Variants in SVOP observed in about 807,000 individuals in gnomAD.
SVOP encodes SV2 related protein, also known as synaptic vesicle 2-related protein.
In SVOP, 17 loss-of-function variants were observed where a neutral mutation model predicts 69.1. The ratio of observed to expected loss-of-function variants is 0.25; its 90% CI spans 0.17 to 0.37. The LOEUF (loss-of-function observed/expected upper bound fraction) is 0.37. Among genes scored for constraint, SVOP ranks in the 10% least tolerant of loss-of-function variants. The pLI is 1.00. For missense variants in SVOP, 435 were observed against 597.5 expected (o/e 0.73, Z 2.84); for synonymous variants, 238 against 238.6 (o/e 1.00, Z 0.02).
At chr12:109,020,757 C>CA in intron 1 of SVOP, 77 bp downstream of exon 1, 1 of 287,316 alleles carries the variant, frequency 3.5e-6, no homozygotes, top group South Asian at 2.6e-5. Context: ...GAGATGTACC[C>CA]CCCCCCACCC....
intron 8 of SVOP, among the ~76,000 whole-genome samples, chr12:108,939,452 A>G (rs964655821): frequency 2.2e-4 from 34 of 152,324 alleles, no homozygotes; most frequent in African/African-American, 7.2e-4. Flanking sequence ...GAAAGAAATC[A>G]GAAAGATTTT....
At chr12:108,929,718 T>C (rs1244111120) in intron 11 of SVOP, among the ~76,000 whole-genome samples, 1 of 152,188 alleles carries the variant, frequency 6.6e-6, no homozygotes, top group African/African-American at 2.4e-5. Context: ...AATCCCCACT[T>C]TGAATACTTG....
At position 108,973,974 on chromosome 12, in the gene SVOP, G is replaced by C. The variant is rs575289893; in HGVS notation, c.382-1498C>G. On this transcript the variant is annotated intron_variant, in intron 4 of 15. Transcript: ENST00000610966. ...TTACTTTCAACAGAATTGAAAAACA[G>C]TCTAATCAAGCTGTCAGCAAGTTAG... Among the ~76,000 whole-genome samples the C allele has an allele frequency of 3.7e-4, 57 of 152,312 alleles. 1 individual carries two copies. Among genetic ancestry groups the C allele is most frequent in the Admixed American group, 3.7e-3 (57 of 15,304 alleles).
At chr12:108,968,320 C>T (rs946197005) in intron 5 of SVOP, among the ~76,000 whole-genome samples, 1 of 152,198 alleles carries the variant, frequency 6.6e-6, no homozygotes, top group African/African-American at 2.4e-5. Flanking sequence ...TCCCTCCACA[C>T]TCTTCAGTCT....
chr12:108,987,039 AGT>A lies in SVOP; in HGVS notation c.36-3280_36-3279del, dbSNP rs201473073. Among the ~76,000 whole-genome samples the A allele has an allele frequency of 6.7e-3, 1,017 of 152,324 alleles. 13 individuals are homozygous for A. The highest frequency in any genetic ancestry group is 0.023 in the African/African-American group (959 of 41,568). Reference sequence around the variant, plus strand: ...AAAATTTGCCATTTTAACCATTATAAGTGTACAATTCAGTGACATTAAGTTTC... The same window carrying A: ...AAAATTTGCCATTTTAACCATTATAAGTACAATTCAGTGACATTAAGTTTC... On this transcript the variant is annotated intron_variant, in intron 1 of 15. Coordinates refer to ENST00000610966, the MANE Select transcript of SVOP (RefSeq NM_018711.5).
intron 1 of SVOP, among the ~76,000 whole-genome samples, chr12:109,003,734 A>G (rs1017143026): frequency 6.6e-6 from 1 of 152,200 alleles, no homozygotes; most frequent in Admixed American, 6.5e-5. Flanking sequence ...CAGCTTCCAC[A>G]GTAGCTAGGA....
At chr12:109,014,218 G>A (rs1050505294) in intron 1 of SVOP, among the ~76,000 whole-genome samples, 4 of 152,076 alleles carry the variant, frequency 2.6e-5, no homozygotes, top group African/African-American at 7.2e-5. Context: ...GTTTCACCAT[G>A]TTGGCCAGGC....
intron 2 of SVOP, among the ~76,000 whole-genome samples, chr12:108,982,341 TCAC>T (rs2040141174): frequency 6.7e-6 from 1 of 149,314 alleles, no homozygotes; most frequent in Non-Finnish European, 1.5e-5. Flanking sequence ...ATCATCATCT[TCAC>T]CATCATCATC....
chr12:108,913,039 T>C (rs2039694328), intron 15 of SVOP, among the ~76,000 whole-genome samples: 1 of 152,116 alleles, frequency 6.6e-6, no homozygotes, highest in Admixed American at 6.6e-5. Flanking sequence ...CTTTATAAAT[T>C]ACCTGATCTC....
chr12:108,995,364 A>C (rs571456442), intron 1 of SVOP, among the ~76,000 whole-genome samples: 1 of 152,312 alleles, frequency 6.6e-6, no homozygotes, highest in East Asian at 1.9e-4. Context: ...ATGAACCTTG[A>C]AGATATTATG....
At chr12:108,973,306 G>T (rs2040089285) in intron 4 of SVOP, among the ~76,000 whole-genome samples, 2 of 152,200 alleles carry the variant, frequency 1.3e-5, no homozygotes, top group African/African-American at 4.8e-5. Flanking sequence ...CATTTCTTGT[G>T]GCATGTCCGA....
chr12:109,020,754 A>ACCC (rs67827847), intron 1 of SVOP, 80 bp downstream of exon 1: 14,568 of 238,648 alleles, frequency 0.061, 555 homozygotes, highest in Non-Finnish European at 0.074. Flanking sequence ...GCAGAGATGT[A>ACCC]CCCCCCCCCA....
intron 1 of SVOP, among the ~76,000 whole-genome samples, chr12:109,001,600 C>A (rs1236441459): frequency 7.1e-6 from 1 of 140,566 alleles, no homozygotes; most frequent in African/African-American, 2.7e-5. Flanking sequence ...GGTACTGGTA[C>A]CAAAACAGAG....
At chr12:108,999,206 A>G (rs2040254070) in intron 1 of SVOP, among the ~76,000 whole-genome samples, 1 of 115,760 alleles carries the variant, frequency 8.6e-6, no homozygotes. Flanking sequence ...AGATCAAAAG[A>G]GACAAAGAAG....
intron 11 of SVOP, among the ~76,000 whole-genome samples, chr12:108,925,945 G>T (rs1305708809): frequency 4.0e-5 from 6 of 149,982 alleles, no homozygotes; most frequent in Admixed American, 3.3e-4. Flanking sequence ...TTGAGACAGG[G>T]TCTCACTTTG....
At chr12:108,936,203 G>T (rs2039855490) in intron 10 of SVOP, among the ~76,000 whole-genome samples, 1 of 151,214 alleles carries the variant, frequency 6.6e-6, no homozygotes, top group Admixed American at 6.6e-5. Context: ...CCACCACCAT[G>T]CCTGGCTAAT....
chr12:109,016,732 C>T (rs1346863936), intron 1 of SVOP, among the ~76,000 whole-genome samples: 3 of 147,022 alleles, frequency 2.0e-5, no homozygotes, highest in African/African-American at 7.9e-5. Flanking sequence ...TTACCTGTAC[C>T]CTGCATTAGT....
At chr12:108,960,685 C>T (rs36159753) in intron 6 of SVOP, among the ~76,000 whole-genome samples, 82,197 of 152,010 alleles carry the variant, frequency 0.54, 23,823 homozygotes, top group South Asian at 0.68. Context: ...GATGCATTAT[C>T]ATTTCGCTTT....
intron 14 of SVOP, among the ~76,000 whole-genome samples, chr12:108,916,551 GC>G (rs1173649882): frequency 6.6e-6 from 1 of 152,094 alleles, no homozygotes; most frequent in Non-Finnish European, 1.5e-5. Flanking sequence ...GATTCCAGCA[GC>G]CCTTCTGCCT....
Sources: allele counts gnomAD v4.1 joint callset (sites outside exome capture counted in the v4.1 genomes callset), GRCh38; gene constraint gnomAD v4.1.1; transcripts MANE v1.5; gene names NCBI Gene and HGNC (gene_info 2026-07-23, HGNC 2026-07-21).